The following POLR2G variants were observed in gnomAD, a reference collection of about 807,000 sequenced individuals.
POLR2G encodes DNA-directed RNA polymerase II subunit RPB7.
A neutral mutation model predicts 25.7 loss-of-function variants in POLR2G; 19 were observed. That is an observed-to-expected ratio of 0.74 (90% CI 0.52 to 1.08). The LOEUF is 1.08. POLR2G is among the 50% of genes least tolerant of loss of function. The pLI, the probability that POLR2G is intolerant of heterozygous loss-of-function variation, is 0.00. For missense variants in POLR2G, 123 were observed against 218.5 expected (o/e 0.56, Z 2.76); for synonymous variants, 79 against 76.0 (o/e 1.04, Z -0.21).
intron 6 of POLR2G, 52 bp from the exon 7 acceptor site, chr11:62,766,191 T>C: frequency 1.3e-6 from 2 of 1,526,464 alleles, no homozygotes; most frequent in Non-Finnish European, 9.1e-7. Context: ...AGGGTGGAGG[T>C]TGGTTCTGTG....
chr11:62,766,184 G>A, intron 6 of POLR2G, 59 bp from the exon 7 acceptor site: 1 of 1,426,142 alleles, frequency 7.0e-7, no homozygotes, highest in South Asian at 1.1e-5. Context: ...GGGCTGCAGG[G>A]TGGAGGTTGG....
intron 3 of POLR2G, 28 bp downstream of exon 3, chr11:62,763,054 G>A: frequency 6.6e-7 from 1 of 1,521,668 alleles, no homozygotes. Context: ...GGAGGCAGTG[G>A]GGTAGTCTCT....
In POLR2G at chr11:62,765,701, AC is replaced by A. The variant is rs1314871457; in HGVS notation, c.451del (p.Arg151ValfsTer13). ...DDEIRLKIVG[T>X]RVDKNDIFAI... ...TGAGATCCGCTTAAAGATTGTGGGGACCCGTGTGGACAAGAATGACATTGTG... is the reference window on the plus strand; with the variant it reads ...TGAGATCCGCTTAAAGATTGTGGGGACCGTGTGGACAAGAATGACATTGTG... On this transcript the variant is annotated frameshift_variant, in exon 6 of 8. Transcript: ENST00000301788. LOFTEE classifies it high-confidence loss of function. The A allele has an allele frequency of 6.2e-7, 1 of 1,608,064 alleles. No homozygotes were observed. The highest frequency in any genetic ancestry group is 1.3e-5 in the African/African-American group (1 of 74,684).
At position 62,764,189 on chromosome 11, in the gene POLR2G, G is replaced by C. The variant is rs182049186; in HGVS notation, c.283-993G>C. Among the ~76,000 whole-genome samples the C allele has an allele frequency of 3.9e-5, 6 of 152,128 alleles. No individual in the cohort carries two copies. In the East Asian group the frequency reaches 1.2e-3, roughly 30 times the overall value. On this transcript the variant is annotated intron_variant, in intron 3 of 7. Transcript: ENST00000301788. ...TAAAATGAAAGCTTAGGCTGGGCGC[G>C]GTGACTCACATCTGTAATCCCAGCA...
At position 62,764,837 on chromosome 11, in the gene POLR2G, G is replaced by A. The variant is rs2084106727; in HGVS notation, c.283-345G>A. Among the ~76,000 whole-genome samples, 2 of 150,774 alleles carry A rather than the reference G, an allele frequency of 1.3e-5. 1 individual carries two copies. The highest frequency in any genetic ancestry group is 4.1e-4 in the South Asian group (2 of 4,822). ...AAAACAAAAACACAACACTTGAGGG[G>A]ACAAAGAAAAGGCAAGATCACTCTT... On this transcript the variant is annotated intron_variant, in intron 3 of 7. Transcript: ENST00000301788.
In POLR2G at chr11:62,766,685, T is replaced by C; in HGVS notation, c.*178T>C. 1 of 604,160 alleles carries C rather than the reference T, an allele frequency of 1.7e-6. No homozygotes were observed. The highest frequency in any genetic ancestry group is 2.8e-5 in the East Asian group (1 of 35,634). The allele number at this position is 604,160 out of a possible 1,614,324, so 37.4% of individuals were successfully genotyped here. On this transcript the variant is annotated 3_prime_UTR_variant, in exon 8 of 8. Transcript: ENST00000301788. ...CCTCCTCATTTTTCAGTATGTGTTC[T>C]AAGTATAAAAAGTCCTTGGTTCTCA... is the stretch of plus-strand genomic sequence containing the variant.
Position 62,765,652 on chromosome 11 carries a change from G to C in POLR2G, c.400-1G>C, listed in dbSNP as rs1446991576. On this transcript the variant is annotated splice_acceptor_variant, in intron 5 of 7. Coordinates refer to ENST00000301788, the MANE Select transcript of POLR2G (RefSeq NM_002696.3). LOFTEE classifies it high-confidence loss of function. Reference sequence around the variant, plus strand: ...TGTACACTGTTCCCTCCTCTCCTCAGGATATTGTGATTCAGCAGGACGATG... The same window carrying C: ...TGTACACTGTTCCCTCCTCTCCTCACGATATTGTGATTCAGCAGGACGATG... The C allele has an allele frequency of 6.2e-7, 1 of 1,603,758 alleles. No homozygotes were observed. The highest frequency in any genetic ancestry group is 8.5e-7 in the Non-Finnish European group (1 of 1,170,696).
chr11:62,764,820 AAC>A (rs1454136829), intron 3 of POLR2G, among the ~76,000 whole-genome samples: 1 of 152,036 alleles, frequency 6.6e-6, no homozygotes, highest in Non-Finnish European at 1.5e-5. Flanking sequence ...AAAAAACAAA[AAC>A]ACAACACTTG....
At chr11:62,762,168 G>C in intron 2 of POLR2G, 1 of 480,078 alleles carries the variant, frequency 2.1e-6, no homozygotes, top group South Asian at 2.4e-5. Flanking sequence ...CAGGACCCGT[G>C]TTGGGCTCAG....
chr11:62,764,787 C>A (rs886515644), intron 3 of POLR2G, among the ~76,000 whole-genome samples: 6 of 152,058 alleles, frequency 3.9e-5, no homozygotes, highest in Non-Finnish European at 8.8e-5. Context: ...CAGAGTGAGA[C>A]CCTGTCTCAA....
intron 7 of POLR2G, 68 bp downstream of exon 7, chr11:62,766,344 A>G (rs1331574946): frequency 3.3e-6 from 5 of 1,519,900 alleles, no homozygotes; most frequent in South Asian, 2.2e-5. Context: ...GGGGAGTAAT[A>G]TAGGATTCAA....
intron 2 of POLR2G, 81 bp from the exon 3 acceptor site, chr11:62,762,786 A>C: frequency 1.7e-6 from 2 of 1,194,562 alleles, no homozygotes; most frequent in Non-Finnish European, 2.4e-6. Context: ...CCTACCCCCA[A>C]GAGCTCAGCG....
chr11:62,762,647 G>C (rs1379064794), intron 2 of POLR2G: 3 of 625,290 alleles, frequency 4.8e-6, no homozygotes, highest in Non-Finnish European at 9.0e-6. Context: ...AGCCTTCTTG[G>C]ACATTTATTG....
In POLR2G at chr11:62,761,746, A is replaced by G. The variant is rs369508890; in HGVS notation, c.13-49A>G. The G allele has an allele frequency of 1.0e-4, 165 of 1,609,040 alleles. No individual in the cohort carries two copies. The African/African-American group carries it at 1.8e-3, about 18-fold the overall frequency. ...CGGCGCGAGACTCCCCTTGTCGTCC[A>G]ATAACCTGCCAGCGCCTGGCCTGGT... On this transcript the variant is annotated intron_variant, in intron 1 of 7. Transcript: ENST00000301788.
intron 3 of POLR2G, 63 bp downstream of exon 3, chr11:62,763,089 C>T (rs1029310200): frequency 1.2e-5 from 13 of 1,091,604 alleles, no homozygotes; most frequent in Admixed American, 2.3e-5. Flanking sequence ...TGGGTTCTGG[C>T]TCCACTTCAT....
intron 6 of POLR2G, 65 bp downstream of exon 6, chr11:62,765,789 CTTTT>C (rs371069682): frequency 8.0e-4 from 581 of 726,766 alleles, no homozygotes; most frequent in Non-Finnish European, 9.1e-4. Flanking sequence ...TTTCTTTTTT[CTTTT>C]TTTTTTTTTT....
At chr11:62,763,129 C>CTT (rs149301237) in intron 3 of POLR2G, 103 bp downstream of exon 3, 9,883 of 269,556 alleles carry the variant, frequency 0.037, 3 homozygotes, top group East Asian at 0.066. Flanking sequence ...AGTCACTTCA[C>CTT]TTTTTTTTTT....
rs375845393 is a variant in POLR2G, at chr11:62,766,612, G to A, written c.*105G>A. 7.6e-6 allele frequency: 8 copies of A among 1,055,076 alleles called. No homozygotes were observed. The highest frequency in any genetic ancestry group is 4.8e-5 in the East Asian group (2 of 41,996). 65.4% of individuals were successfully genotyped at this position (1,055,076 alleles called of 1,614,324 possible). A position where few individuals can be genotyped will look rare whatever the true frequency, so the allele number is the denominator to read the frequency against. On this transcript the variant is annotated 3_prime_UTR_variant, in exon 8 of 8. Transcript: ENST00000301788. ...GGCTGCTGTTGTGGAGGCAAGGAAG[G>A]CAACTCATCCCAGAAGGCATCTGGT...
intron 3 of POLR2G, 103 bp downstream of exon 3, chr11:62,763,129 CTTTTTTTTTTT>C (rs149301237): frequency 4.0e-5 from 11 of 275,404 alleles, no homozygotes; most frequent in African/African-American, 8.6e-5. Context: ...AGTCACTTCA[CTTTTTTTTTTT>C]TTTTTTTTTT....
Sources: allele counts gnomAD v4.1 joint callset (sites outside exome capture counted in the v4.1 genomes callset), GRCh38; gene constraint gnomAD v4.1.1; transcripts MANE v1.5; gene names NCBI Gene and HGNC (gene_info 2026-07-23, HGNC 2026-07-21).